Variants in NFIB observed in about 807,000 individuals in gnomAD.
NFIB encodes the protein nuclear factor I B, also known as nuclear factor 1 B-type.
A neutral mutation model predicts 61.5 loss-of-function variants in NFIB; 11 were observed. The ratio of observed to expected loss-of-function variants is 0.18; its 90% CI spans 0.11 to 0.30. The LOEUF (loss-of-function observed/expected upper bound fraction) is 0.30, where lower values mean the gene tolerates loss of function less well. Among genes scored for constraint, NFIB ranks in the 10% least tolerant of loss-of-function variants. The pLI, the probability that NFIB is intolerant of heterozygous loss-of-function variation, is 1.00. For missense variants in NFIB, 471 were observed against 608.9 expected (o/e 0.77, Z 2.38); for synonymous variants, 260 against 216.5 (o/e 1.20, Z -1.76).
chr9:14,429,820 C>G, the NFIB span, among the ~76,000 whole-genome samples: 80 of 152,242 alleles, frequency 5.3e-4, no homozygotes, highest in Middle Eastern at 6.8e-3. Context: ...GAATTCCATC[C>G]ATTCAGATTC....
intron 2 of NFIB, chr9:14,306,041 G>T: frequency 1.1e-6 from 1 of 891,786 alleles, no homozygotes; most frequent in Non-Finnish European, 1.6e-6. Flanking sequence ...AATATATTAA[G>T]AAAAATAAAA....
the NFIB span, among the ~76,000 whole-genome samples, chr9:14,431,684 T>A: frequency 6.6e-6 from 1 of 151,750 alleles, no homozygotes; most frequent in Non-Finnish European, 1.5e-5. Flanking sequence ...CAAATTCAAG[T>A]TGATTTATTT....
chr9:14,435,830 C>G, the NFIB span, among the ~76,000 whole-genome samples: 1 of 152,184 alleles, frequency 6.6e-6, no homozygotes, highest in Non-Finnish European at 1.5e-5. Flanking sequence ...GCCTCAGAAC[C>G]AGGCTTCTTC....
rs1158407321 is a variant in NFIB at position 14,087,058 on chromosome 9, T to C, written c.*1251A>G. On this transcript the variant is annotated 3_prime_UTR_variant, in exon 11 of 11. Coordinates refer to ENST00000380953, the MANE Select transcript of NFIB (RefSeq NM_001190737.2). ...GTTTTTATATCCTACACCCTGGCGT[T>C]CCCAGTTTGTAAACTGTAAGCTTTA... 1 of 203,150 alleles carries C rather than the reference T, an allele frequency of 4.9e-6. No individual in the cohort carries two copies. The highest frequency in any genetic ancestry group is 7.5e-5 in the East Asian group (1 of 13,262). The allele number at this position is 203,150 out of a possible 1,614,324, so 12.6% of individuals were successfully genotyped here. A position where few individuals can be genotyped will look rare whatever the true frequency, so the allele number is the denominator to read the frequency against.
intron 1 of NFIB, among the ~76,000 whole-genome samples, chr9:14,355,087 G>T (rs1196386931): frequency 2.0e-5 from 3 of 152,118 alleles, no homozygotes; most frequent in Non-Finnish European, 2.9e-5. Context: ...CAGTGACTTG[G>T]AACACTGCAC....
intron 2 of NFIB, among the ~76,000 whole-genome samples, chr9:14,281,900 T>C (rs951470364): frequency 2.0e-5 from 3 of 152,142 alleles, no homozygotes; most frequent in African/African-American, 7.2e-5. Context: ...CTAAATCCCA[T>C]ATTTATAAAT....
chr9:14,457,524 G>A, the NFIB span, among the ~76,000 whole-genome samples: 2 of 150,260 alleles, frequency 1.3e-5, no homozygotes. Flanking sequence ...GAGAAGAACT[G>A]AAGGAGACAG....
At chr9:14,462,504 G>A in the NFIB span, among the ~76,000 whole-genome samples, 2 of 151,952 alleles carry the variant, frequency 1.3e-5, no homozygotes, top group African/African-American at 2.4e-5. Flanking sequence ...GGATGGTCTG[G>A]ATCTCCTGAC....
At chr9:14,221,317 G>C (rs2051642465) in intron 2 of NFIB, among the ~76,000 whole-genome samples, 2 of 152,176 alleles carry the variant, frequency 1.3e-5, no homozygotes, top group Admixed American at 6.5e-5. Flanking sequence ...AACTATGCTA[G>C]ACATGCATTA....
chr9:14,523,009 A>G, the NFIB span, among the ~76,000 whole-genome samples: 1 of 152,180 alleles, frequency 6.6e-6, no homozygotes, highest in African/African-American at 2.4e-5. Context: ...TCACTTTAAA[A>G]TATCTGAAAA....
intron 1 of NFIB, among the ~76,000 whole-genome samples, chr9:14,382,492 T>C (rs1346370381): frequency 1.3e-5 from 2 of 152,118 alleles, no homozygotes; most frequent in Non-Finnish European, 2.9e-5. Context: ...GTGACTATAT[T>C]TTGCTGGCCA....
intron 3 of NFIB, among the ~76,000 whole-genome samples, chr9:14,175,485 G>T (rs1479849431): frequency 2.6e-5 from 4 of 152,062 alleles, no homozygotes; most frequent in Non-Finnish European, 5.9e-5. Context: ...GCGACTTAAA[G>T]AATTTCTTAA....
the NFIB span, among the ~76,000 whole-genome samples, chr9:14,468,013 A>C: frequency 6.6e-6 from 1 of 152,246 alleles, no homozygotes; most frequent in Non-Finnish European, 1.5e-5. Flanking sequence ...CTCAAGGAAG[A>C]GTAATCAGCT....
intron 1 of NFIB, among the ~76,000 whole-genome samples, chr9:14,338,344 A>G (rs902860932): frequency 6.6e-6 from 1 of 152,144 alleles, no homozygotes; most frequent in African/African-American, 2.4e-5. Flanking sequence ...CAGTGAGCAG[A>G]GATCGCGCCA....
intron 2 of NFIB, among the ~76,000 whole-genome samples, chr9:14,188,620 A>G (rs1038692837): frequency 1.3e-5 from 2 of 152,240 alleles, no homozygotes; most frequent in African/African-American, 4.8e-5. Flanking sequence ...AATGCTGCCC[A>G]TATCTTATAA....
chr9:14,427,506 C>T, the NFIB span, among the ~76,000 whole-genome samples: 1 of 152,178 alleles, frequency 6.6e-6, no homozygotes, highest in Non-Finnish European at 1.5e-5. Flanking sequence ...ACACAGGAAT[C>T]AGTCACCAGA....
chr9:14,423,697 G>A, the NFIB span, among the ~76,000 whole-genome samples: 1 of 152,152 alleles, frequency 6.6e-6, no homozygotes, highest in African/African-American at 2.4e-5. Context: ...CCTATTTGAA[G>A]ATCATTATAT....
chr9:14,470,480 A>T, the NFIB span, among the ~76,000 whole-genome samples: 3 of 152,098 alleles, frequency 2.0e-5, no homozygotes, highest in Non-Finnish European at 4.4e-5. Context: ...GAATTGTCCT[A>T]TCTACCTTTT....
the NFIB span, among the ~76,000 whole-genome samples, chr9:14,496,491 A>C: frequency 2.0e-5 from 3 of 152,102 alleles, no homozygotes; most frequent in African/African-American, 7.2e-5. Context: ...ACGTGTATTT[A>C]ATTTGGGTGG....
Sources: gnomAD v4.1 joint callset for allele counts (sites outside exome capture counted in the v4.1 genomes callset) on GRCh38, gnomAD v4.1.1 for gene constraint, MANE v1.5 for transcripts, NCBI Gene and HGNC (gene_info 2026-07-23, HGNC 2026-07-21) for gene names.